The following SRPRB variants were observed in gnomAD, a reference collection of about 807,000 sequenced individuals.
SRPRB encodes the protein signal recognition particle receptor subunit beta.
SRPRB carries 20 observed loss-of-function variants against 31.9 expected under a neutral mutation model. That is an observed-to-expected ratio of 0.63 (90% CI 0.44 to 0.91). The LOEUF (loss-of-function observed/expected upper bound fraction) is 0.91, where lower values mean the gene tolerates loss of function less well. Among genes scored for constraint, SRPRB ranks in the 40% least tolerant of loss-of-function variants. The pLI is 0.00. For missense variants in SRPRB, 321 were observed against 324.9 expected, an observed-to-expected ratio of 0.99 and a Z score of 0.09; for synonymous variants, 146 against 132.8, an observed-to-expected ratio of 1.10 and a Z score of -0.68.
downstream of SRPRB, among the ~76,000 whole-genome samples, chr3:133,823,288 T>C (rs1397809753): frequency 6.7e-6 from 1 of 149,448 alleles, no homozygotes; most frequent in East Asian, 2.1e-4. Flanking sequence ...AGACAGAGTC[T>C]CACTCTGTCG....
chr3:133,810,945 GCCACTGTTACATCCC>G, intron 3 of SRPRB, 157 bp from the exon 4 acceptor site: 1 of 531,184 alleles, frequency 1.9e-6, no homozygotes, highest in Non-Finnish European at 3.2e-6. Context: ...CGTGTCTTTG[GCCACTGTTACATCCC>G]CAGAACGTTG....
chr3:133,799,595 C>G (rs899220726), intron 1 of SRPRB, among the ~76,000 whole-genome samples: 1 of 151,928 alleles, frequency 6.6e-6, no homozygotes, highest in African/African-American at 2.4e-5. Context: ...TCTATTACCT[C>G]AATTACTTTT....
downstream of SRPRB, chr3:133,828,229 A>G (rs1298254930): frequency 5.6e-6 from 3 of 537,704 alleles, no homozygotes; most frequent in East Asian, 6.4e-5. Flanking sequence ...TCAGAGGCTG[A>G]TGTGTTCAAC....
At chr3:133,823,290 ACT>A (rs760275333), downstream of SRPRB, among the ~76,000 whole-genome samples, 7 of 148,802 alleles carry the variant, frequency 4.7e-5, no homozygotes, top group Non-Finnish European at 1.0e-4. Flanking sequence ...ACAGAGTCTC[ACT>A]CTGTCGCCCA....
chr3:133,815,503 A>T, intron 4 of SRPRB, 87 bp from the exon 5 acceptor site: 1 of 1,517,988 alleles, frequency 6.6e-7, no homozygotes, highest in Non-Finnish European at 9.1e-7. Flanking sequence ...ACCAAGATTG[A>T]CTTTGAAGAA....
chr3:133,789,571 C>T (rs1242576844), intron 1 of SRPRB: 1 of 152,186 alleles, frequency 6.6e-6, no homozygotes, highest in Non-Finnish European at 1.5e-5. Context: ...TGTGTATACA[C>T]ATGTCTAGAT....
At chr3:133,821,559 A>G (rs1231551553), downstream of SRPRB, 1 of 152,174 alleles carries the variant, frequency 6.6e-6, no homozygotes, top group African/African-American at 2.4e-5. Flanking sequence ...GAAGCAGCAC[A>G]CCAGAAAAAG....
chr3:133,799,845 G>T (rs1389592106), intron 1 of SRPRB, among the ~76,000 whole-genome samples: 2 of 152,178 alleles, frequency 1.3e-5, no homozygotes, highest in African/African-American at 4.8e-5. Flanking sequence ...GGTGGAAAAG[G>T]CTGGGAAGGA....
chr3:133,814,606 T>C (rs1935334582), intron 4 of SRPRB, among the ~76,000 whole-genome samples: 1 of 152,028 alleles, frequency 6.6e-6, no homozygotes, highest in Admixed American at 6.6e-5. Flanking sequence ...ATCTGGCTAA[T>C]TGTTATATTT....
chr3:133,787,982 G>A (rs1020539881), intron 1 of SRPRB: 1 of 152,274 alleles, frequency 6.6e-6, no homozygotes. Context: ...ATATCCACCA[G>A]GTTGGTGGTG....
chr3:133,805,171 T>A (rs1935127661), upstream of SRPRB, among the ~76,000 whole-genome samples: 1 of 152,234 alleles, frequency 6.6e-6, no homozygotes, highest in Admixed American at 6.5e-5. Context: ...GCGTTGATTT[T>A]CCTAGTTGCT....
At chr3:133,807,856 GTC>G in intron 3 of SRPRB, 33 bp downstream of exon 3, 1 of 1,542,542 alleles carries the variant, frequency 6.5e-7, no homozygotes, top group Non-Finnish European at 8.9e-7. Flanking sequence ...GAGTCTGACA[GTC>G]TTACTTTACT....
intron 1 of SRPRB, among the ~76,000 whole-genome samples, chr3:133,797,348 A>G (rs895713336): frequency 6.6e-5 from 10 of 152,248 alleles, no homozygotes; most frequent in Non-Finnish European, 1.2e-4. Flanking sequence ...AGAGATAGGA[A>G]GGGGAAGGGC....
chr3:133,806,001 A>T lies in SRPRB; in HGVS notation c.153A>T (p.Leu51=), dbSNP rs770653406. 1.2e-6 allele frequency: 2 copies of T among 1,612,550 alleles called. No individual in the cohort carries two copies. Among genetic ancestry groups the T allele is most frequent in the Non-Finnish European group, 1.7e-6 (2 of 1,179,074 alleles). ...CGGTTCTTGCGGTGCTGCTGACGCT[A>T]GGTAAAAGGCGGCCGGTGGTCATGG... The part of the protein sequence containing the change: ...VVAVLAVLLT[L]VFWKLIRSRR... Residue 51 remains leucine, a splice_region_variant and synonymous_variant, in exon 1 of 7, where the codon CTA becomes CTT. Coordinates refer to ENST00000678299, the MANE Select transcript of SRPRB (RefSeq NM_001379313.1).
chr3:133,791,860 G>C (rs1486691073), intron 1 of SRPRB: 1 of 152,110 alleles, frequency 6.6e-6, no homozygotes, highest in African/African-American at 2.4e-5. Context: ...CTATAAAAGA[G>C]CATTAATTAA....
chr3:133,806,127 C>A (rs1935152810), intron 1 of SRPRB, 125 bp downstream of exon 1: 1 of 1,266,726 alleles, frequency 7.9e-7, no homozygotes, highest in East Asian at 2.7e-5. Flanking sequence ...GGGTGAGACC[C>A]ACCCAGTCTA....
At chr3:133,818,280 C>A (rs896185658) in intron 6 of SRPRB, among the ~76,000 whole-genome samples, 1 of 152,146 alleles carries the variant, frequency 6.6e-6, no homozygotes, top group Admixed American at 6.5e-5. Flanking sequence ...CCAAGTCTCC[C>A]GTGGTTAAAA....
Position 133,814,853 on chromosome 3 carries a change from GGTCACTGTGCTTCTA to G in SRPRB, c.411-734_411-720del, listed in dbSNP as rs1289608055. Among the ~76,000 whole-genome samples the G allele has an allele frequency of 3.9e-5, 6 of 152,274 alleles. No homozygotes were observed. In the East Asian group the frequency reaches 7.7e-4, roughly 20 times the overall value. On this transcript the variant is annotated intron_variant, in intron 4 of 6. Transcript: ENST00000678299. ...GGCTGCCTTAGTTCAGGCCCTACCTGGTCACTGTGCTTCTAGTTCAAGCGCCCTCTAAGATTGCTT... is the reference window on the plus strand; with the variant it reads ...GGCTGCCTTAGTTCAGGCCCTACCTGGTTCAAGCGCCCTCTAAGATTGCTT...
intron 4 of SRPRB, among the ~76,000 whole-genome samples, chr3:133,813,749 C>G (rs886229168): frequency 6.6e-6 from 1 of 152,158 alleles, no homozygotes; most frequent in African/African-American, 2.4e-5. Flanking sequence ...GCTCCAGAAC[C>G]TTTCTTCAAG....
Sources: gnomAD v4.1 joint callset for allele counts (sites outside exome capture counted in the v4.1 genomes callset) on GRCh38, gnomAD v4.1.1 for gene constraint, MANE v1.5 for transcripts, NCBI Gene and HGNC (gene_info 2026-07-23, HGNC 2026-07-21) for gene names.